Variants in ADARB2 observed in about 807,000 individuals in gnomAD.
ADARB2 encodes the protein adenosine deaminase RNA specific B2 (inactive), also known as inactive double-stranded RNA-specific editase B2.
Under a neutral mutation model 62.2 loss-of-function variants are expected in ADARB2, and 25 were observed. The ratio of observed to expected loss-of-function variants is 0.40; its 90% confidence interval spans 0.29 to 0.56. The LOEUF (loss-of-function observed/expected upper bound fraction) is 0.56, where lower values mean the gene tolerates loss of function less well. Ranked by LOEUF, ADARB2 falls within the 20% of genes least tolerant of loss-of-function variation. ADARB2 has a pLI of 0.43. For missense variants in ADARB2, 1,071 were observed against 1,077.4 expected (o/e 0.99, Z 0.08); for synonymous variants, 572 against 500.8 (o/e 1.14, Z -1.90).
At chr10:1,706,251 G>T (rs1478730340) in intron 1 of ADARB2, among the ~76,000 whole-genome samples, 2 of 152,230 alleles carry the variant, frequency 1.3e-5, no homozygotes, top group East Asian at 3.8e-4. Context: ...TAGGGTCAAG[G>T]CCATACTTAT....
At chr10:1,302,525 C>A (rs1831584347) in intron 3 of ADARB2, among the ~76,000 whole-genome samples, 1 of 152,190 alleles carries the variant, frequency 6.6e-6, no homozygotes, top group African/African-American at 2.4e-5. Flanking sequence ...TGGAGCCCAC[C>A]ACAGCTCAAG....
intron 1 of ADARB2, among the ~76,000 whole-genome samples, chr10:1,544,191 G>A (rs182993202): frequency 1.7e-4 from 26 of 152,298 alleles, no homozygotes; most frequent in Admixed American, 3.3e-4. Context: ...TGAAAGCAAC[G>A]CCAGGGTCTG....
chr10:1,480,235 A>C (rs1180477760), intron 1 of ADARB2, among the ~76,000 whole-genome samples: 1 of 152,246 alleles, frequency 6.6e-6, no homozygotes, highest in Admixed American at 6.5e-5. Context: ...TACTTGGAAA[A>C]AAAGAATTAA....
chr10:1,608,242 T>G (rs535323466), intron 1 of ADARB2, among the ~76,000 whole-genome samples: 5 of 152,346 alleles, frequency 3.3e-5, no homozygotes, highest in Non-Finnish European at 7.3e-5. Flanking sequence ...GATGACCTTT[T>G]GCATTTGCCT....
At chr10:1,553,072 G>A (rs544213948) in intron 1 of ADARB2, among the ~76,000 whole-genome samples, 3 of 152,146 alleles carry the variant, frequency 2.0e-5, no homozygotes, top group African/African-American at 4.8e-5. Context: ...CGGAGACCCT[G>A]CCCCATTGCT....
At chr10:1,666,933 T>C (rs1834324101) in intron 1 of ADARB2, among the ~76,000 whole-genome samples, 1 of 152,234 alleles carries the variant, frequency 6.6e-6, no homozygotes, top group Non-Finnish European at 1.5e-5. Flanking sequence ...TTGACAAACA[T>C]GTCTGTTTAC....
intron 1 of ADARB2, among the ~76,000 whole-genome samples, chr10:1,381,454 C>T (rs2387657): frequency 0.18 from 28,054 of 152,140 alleles, 3,485 homozygotes; most frequent in East Asian, 0.59. Context: ...GAGAGCCCTC[C>T]GGGAATGTAA....
At chr10:1,686,724 G>A (rs1235799418) in intron 1 of ADARB2, among the ~76,000 whole-genome samples, 10 of 152,106 alleles carry the variant, frequency 6.6e-5, no homozygotes, top group African/African-American at 1.9e-4. Context: ...GTCTTAGACC[G>A]TTTTATGTGG....
intron 1 of ADARB2, among the ~76,000 whole-genome samples, chr10:1,381,195 C>G (rs199990016): frequency 3.2e-5 from 4 of 124,054 alleles, no homozygotes; most frequent in Admixed American, 8.2e-5. Flanking sequence ...CACACACACA[C>G]ATATATACTT....
At chr10:1,346,147 C>T (rs990692603) in intron 3 of ADARB2, among the ~76,000 whole-genome samples, 2 of 152,200 alleles carry the variant, frequency 1.3e-5, no homozygotes, top group African/African-American at 4.8e-5. Flanking sequence ...CACAATTCCA[C>T]CGTGTGCATT....
chr10:1,317,434 A>T (rs1162481274), intron 3 of ADARB2, among the ~76,000 whole-genome samples: 1 of 152,220 alleles, frequency 6.6e-6, no homozygotes, highest in African/African-American at 2.4e-5. Context: ...TTTTTCTAGA[A>T]CACTGAGGGT....
chr10:1,230,169 A>G (rs1830790580), intron 6 of ADARB2, among the ~76,000 whole-genome samples: 1 of 151,844 alleles, frequency 6.6e-6, no homozygotes, highest in African/African-American at 2.4e-5. Flanking sequence ...AGCTCTCTGC[A>G]CTCTGCGGCC....
chr10:1,484,475 C>T (rs1315728934), intron 1 of ADARB2, among the ~76,000 whole-genome samples: 2 of 152,202 alleles, frequency 1.3e-5, no homozygotes, highest in Non-Finnish European at 2.9e-5. Flanking sequence ...TCCTGTGGCT[C>T]CAAGTCTGTT....
At chr10:1,358,805 A>C (rs1375689815) in intron 3 of ADARB2, among the ~76,000 whole-genome samples, 1 of 152,156 alleles carries the variant, frequency 6.6e-6, no homozygotes, top group Non-Finnish European at 1.5e-5. Context: ...AAACAAAGAA[A>C]TAAAGGGGGT....
At chr10:1,622,889 T>G (rs1052199085) in intron 1 of ADARB2, among the ~76,000 whole-genome samples, 17 of 152,260 alleles carry the variant, frequency 1.1e-4, no homozygotes, top group Admixed American at 9.8e-4. Flanking sequence ...CTCACGTGGC[T>G]TCATTCATAA....
At chr10:1,452,646 T>A in intron 1 of ADARB2, among the ~76,000 whole-genome samples, 1 of 85,798 alleles carries the variant, frequency 1.2e-5, no homozygotes, top group Admixed American at 1.4e-4. Flanking sequence ...CACTGGGGCC[T>A]GTTGGGGGGT....
chr10:1,443,118 C>T (rs1224330184), intron 1 of ADARB2, among the ~76,000 whole-genome samples: 2 of 152,166 alleles, frequency 1.3e-5, no homozygotes, highest in Non-Finnish European at 2.9e-5. Flanking sequence ...ACGGAAACTT[C>T]TAGGATGACA....
chr10:1,227,012 GAGGC>G (rs1830753694), intron 6 of ADARB2, among the ~76,000 whole-genome samples: 1 of 152,258 alleles, frequency 6.6e-6, no homozygotes, highest in South Asian at 2.1e-4. Context: ...GGAGCCTATA[GAGGC>G]AGGCAGGCCT....
chr10:1,298,641 A>G (rs1347558285), intron 3 of ADARB2, among the ~76,000 whole-genome samples: 1 of 151,296 alleles, frequency 6.6e-6, no homozygotes, highest in Non-Finnish European at 1.5e-5. Context: ...ACTGGGCTCA[A>G]GCAGGAGCTC....
Sources: allele counts gnomAD v4.1 joint callset (sites outside exome capture counted in the v4.1 genomes callset), GRCh38; gene constraint gnomAD v4.1.1; transcripts MANE v1.5; gene names NCBI Gene and HGNC (gene_info 2026-07-23, HGNC 2026-07-21).